PIKFYVE: variants seen among roughly 807,000 people sequenced by gnomAD.
PIKFYVE encodes 1-phosphatidylinositol 3-phosphate 5-kinase.
PIKFYVE carries 122 observed loss-of-function variants against 257.9 expected under a neutral mutation model. That is an observed-to-expected ratio of 0.47 (90% confidence interval 0.41 to 0.55). The LOEUF (loss-of-function observed/expected upper bound fraction) is 0.55. Ranked by LOEUF, PIKFYVE falls within the 20% of genes least tolerant of loss-of-function variation. The pLI is 0.00. For synonymous variants in PIKFYVE, 892 were observed against 868.9 expected (o/e 1.03, Z -0.47); for missense variants, 2,160 against 2,536.6 (o/e 0.85, Z 3.19).
chr2:208,324,268 A>T lies in PIKFYVE; in HGVS notation c.2317A>T (p.Ile773Phe). The change falls in exon 18 of 42, where the codon ATT becomes TTT. Residue 773 changes from isoleucine to phenylalanine, a missense_variant. Ile to Phe is a conservative substitution (Grantham distance 21). Coordinates refer to ENST00000264380, the MANE Select transcript of PIKFYVE (RefSeq NM_015040.4). ...ATTGGAACATGGCATTACTTTGGTC[A>T]TTAATGTAAAGTCAGTGAGTGTTTT... The part of the protein sequence containing the change: ...MLLEHGITLV[I>F]NVKSQVLERI... 1 of 1,614,006 alleles carries T rather than the reference A, an allele frequency of 6.2e-7. No individual in the cohort carries two copies. Among genetic ancestry groups the T allele is most frequent in the Non-Finnish European group, 8.5e-7 (1 of 1,179,900 alleles).
At chr2:208,326,939 TAAGG>T (rs1307713867) in intron 20 of PIKFYVE, among the ~76,000 whole-genome samples, 1 of 152,134 alleles carries the variant, frequency 6.6e-6, no homozygotes, top group African/African-American at 2.4e-5. Context: ...GAGAGCAAAT[TAAGG>T]AAGGTTTATA....
intron 34 of PIKFYVE, 46 bp from the exon 35 acceptor site, chr2:208,347,813 T>G (rs1312590572): frequency 2.0e-6 from 3 of 1,513,584 alleles, no homozygotes; most frequent in Non-Finnish European, 2.7e-6. Flanking sequence ...ATTTTTCATC[T>G]GTAGTGACCT....
rs752569123 is a variant in PIKFYVE at position 208,285,799 on chromosome 2, T to C, written c.687T>C (p.Ile229=). 1.2e-6 allele frequency: 2 copies of C among 1,614,062 alleles called. No homozygotes were observed. The highest frequency in any genetic ancestry group is 1.7e-6 in the Non-Finnish European group (2 of 1,179,926). ...SYAHSTDSNS[I]GEDLNALSDS... is the part of the protein sequence containing the mutation. The stretch of plus-strand genomic sequence containing the variant: ...CTCATTCCACAGACAGTAATTCTAT[T>C]GGGGAAGACTTGAATGCTCTTTCAG... Residue 229 remains isoleucine, a synonymous_variant, in exon 6 of 42, where the codon ATT becomes ATC. Transcript: ENST00000264380.
In PIKFYVE at chr2:208,315,312, G is replaced by A. The variant is rs377372888; in HGVS notation, c.1946G>A (p.Arg649Gln). 3.0e-5 allele frequency: 48 copies of A among 1,614,142 alleles called. No homozygotes were observed. The highest frequency in any genetic ancestry group is 1.3e-4 in the East Asian group (6 of 44,860). The change falls in exon 15 of 42, where the codon CGA becomes CAA. Residue 649 changes from arginine to glutamine, a missense_variant. Coordinates refer to ENST00000264380, the MANE Select transcript of PIKFYVE (RefSeq NM_015040.4). ...SLVCQVVQTV[R>Q]PDVKNQDDDM... ...GTCTGCCAGGTTGTTCAGACAGTCCGACCTGATGTCAAGAACCAGGATGAT... is the reference window on the plus strand; with the variant it reads ...GTCTGCCAGGTTGTTCAGACAGTCCAACCTGATGTCAAGAACCAGGATGAT...
intron 31 of PIKFYVE, among the ~76,000 whole-genome samples, chr2:208,340,547 CT>C (rs1182014629): frequency 1.3e-5 from 2 of 151,852 alleles, no homozygotes; most frequent in Non-Finnish European, 2.9e-5. Flanking sequence ...TTCATGTGAT[CT>C]TTTTTTTATG....
At chr2:208,293,519 C>T (rs1315294071) in intron 7 of PIKFYVE, among the ~76,000 whole-genome samples, 1 of 152,164 alleles carries the variant, frequency 6.6e-6, no homozygotes, top group Admixed American at 6.6e-5. Flanking sequence ...GGCTTTACTT[C>T]TCCTTCACTT....
chr2:208,287,735 G>C (rs1691770909), intron 6 of PIKFYVE, among the ~76,000 whole-genome samples: 2 of 151,740 alleles, frequency 1.3e-5, no homozygotes, highest in Non-Finnish European at 2.9e-5. Flanking sequence ...CAATTAGCTG[G>C]GATTACAGGT....
Position 208,325,539 on chromosome 2 carries a change from T to A in PIKFYVE, c.2728T>A (p.Ser910Thr). The change falls in exon 20 of 42, where the codon TCC (serine) becomes ACC (threonine). Residue 910 changes from serine to threonine, a missense_variant. Ser to Thr is a moderately conservative substitution (Grantham distance 58, BLOSUM62 1). Coordinates refer to ENST00000264380, the MANE Select transcript of PIKFYVE (RefSeq NM_015040.4). ...TGTCCAAGAGCAGTACGGTGGAGGTTCCATCCCCTGGGATCCTGACATCCC... is the reference window on the plus strand; with the variant it reads ...TGTCCAAGAGCAGTACGGTGGAGGTACCATCCCCTGGGATCCTGACATCCC... ...GAVQEQYGGGSIPWDPDIPPE... is the reference protein window; with the variant it reads ...GAVQEQYGGGTIPWDPDIPPE... 6.2e-7 allele frequency: 1 copy of A among 1,614,082 alleles called. No individual in the cohort carries two copies. Among genetic ancestry groups the A allele is most frequent in the Non-Finnish European group, 8.5e-7 (1 of 1,179,982 alleles).
intron 7 of PIKFYVE, among the ~76,000 whole-genome samples, chr2:208,298,266 AACTT>A (rs1223149053): frequency 1.3e-5 from 2 of 152,216 alleles, no homozygotes; most frequent in Non-Finnish European, 2.9e-5. Context: ...AAAATCCACT[AACTT>A]ACAGCATTTT....
Position 208,325,685 on chromosome 2 carries a change from T to C in PIKFYVE, c.2874T>C (p.His958=), listed in dbSNP as rs1199095081. Residue 958 remains histidine (H), a synonymous_variant, in exon 20 of 42, where the codon CAT becomes CAC. Coordinates refer to ENST00000264380, the MANE Select transcript of PIKFYVE (RefSeq NM_015040.4). ...TTGCCTCTGTGAAGCATCAAGAACA[T>C]AGCACAACAGCTTGCCCGGCGGGTC... ...QAVASVKHQE[H]STTACPAGLP... The C allele has an allele frequency of 6.2e-7, 1 of 1,613,916 alleles. No homozygotes were observed. The highest frequency in any genetic ancestry group is 1.3e-5 in the African/African-American group (1 of 74,906).
chr2:208,267,780 TACAG>T (rs1688851977), intron 1 of PIKFYVE, among the ~76,000 whole-genome samples: 3 of 151,874 alleles, frequency 2.0e-5, no homozygotes, highest in Non-Finnish European at 2.9e-5. Flanking sequence ...GTGCTGGGAT[TACAG>T]GCGTGAGCCA....
chr2:208,312,886 C>G (rs1454304234), intron 13 of PIKFYVE, among the ~76,000 whole-genome samples: 2 of 152,186 alleles, frequency 1.3e-5, no homozygotes, highest in Admixed American at 1.3e-4. Context: ...GAGAAAATTT[C>G]TCTTCCTTCT....
At chr2:208,289,811 T>C (rs903117417) in intron 7 of PIKFYVE, among the ~76,000 whole-genome samples, 1 of 152,112 alleles carries the variant, frequency 6.6e-6, no homozygotes, top group East Asian at 1.9e-4. Flanking sequence ...CAAGCGATCT[T>C]CCCACCTCGG....
intron 12 of PIKFYVE, among the ~76,000 whole-genome samples, chr2:208,308,992 G>A (rs998286968): frequency 6.6e-6 from 1 of 152,218 alleles, no homozygotes; most frequent in Non-Finnish European, 1.5e-5. Flanking sequence ...ACAGGCGTGA[G>A]CCACCGCACC....
At position 208,352,509 on chromosome 2, in the gene PIKFYVE, T is replaced by C. The variant is rs530291899; in HGVS notation, c.5716-145T>C. ...ATTGCTGCTGTACTCACTTCTGAGA[T>C]TCAAGAGTTTGAGTTTTTTTCAAAG... On this transcript the variant is annotated intron_variant, in intron 38 of 41. Transcript: ENST00000264380. 1.6e-5 allele frequency: 13 copies of C among 811,830 alleles called. No individual in the cohort carries two copies. In the African/African-American group the frequency reaches 2.3e-4, roughly 14 times the overall value. The allele number at this position is 811,830 out of a possible 1,614,324, so 50.3% of individuals were successfully genotyped here.
In PIKFYVE at chr2:208,345,069, GA is replaced by G. The variant is rs756291279; in HGVS notation, c.5028-40del. The G allele has an allele frequency of 3.1e-6, 4 of 1,295,178 alleles. No individual in the cohort carries two copies. In the Admixed American group the frequency reaches 6.8e-5, roughly 22 times the overall value. 80.2% of individuals were successfully genotyped at this position (1,295,178 alleles called of 1,614,324 possible). ...AAGCTTATGATTTACTTTTAAAGAAGAAGTTAATGTTTAACGTTTTTCAACC... is the reference window on the plus strand; with the variant it reads ...AAGCTTATGATTTACTTTTAAAGAAGAGTTAATGTTTAACGTTTTTCAACC... On this transcript the variant is annotated intron_variant, in intron 32 of 41. Coordinates refer to ENST00000264380, the MANE Select transcript of PIKFYVE (RefSeq NM_015040.4).
At chr2:208,307,572 ATTT>A (rs56834216) in intron 12 of PIKFYVE, among the ~76,000 whole-genome samples, 6 of 145,172 alleles carry the variant, frequency 4.1e-5, no homozygotes, top group African/African-American at 5.1e-5. Context: ...TGATAGATAC[ATTT>A]TTTTTTTTTT....
At chr2:208,278,279 T>C (rs1332428047) in intron 5 of PIKFYVE, among the ~76,000 whole-genome samples, 1 of 85,492 alleles carries the variant, frequency 1.2e-5, no homozygotes, top group Non-Finnish European at 2.4e-5. Flanking sequence ...ATTGTGAAGA[T>C]CTTTCTGTCT....
chr2:208,351,572 TGTAAA>T (rs1699775776), intron 38 of PIKFYVE, 117 bp downstream of exon 38: 1 of 919,048 alleles, frequency 1.1e-6, no homozygotes. Context: ...CTGGGTAATT[TGTAAA>T]GAAAAGAGGT....
Sources: gnomAD v4.1 joint callset for allele counts (sites outside exome capture counted in the v4.1 genomes callset) on GRCh38, gnomAD v4.1.1 for gene constraint, MANE v1.5 for transcripts, NCBI Gene and HGNC (gene_info 2026-07-23, HGNC 2026-07-21) for gene names.